KLHL24: variants seen among roughly 807,000 people sequenced by gnomAD.
KLHL24 encodes kelch-like protein 24.
KLHL24 carries 29 observed loss-of-function variants against 53.4 expected under a neutral mutation model. That is an observed-to-expected ratio of 0.54 (90% CI 0.40 to 0.74). The LOEUF is 0.74. Among genes scored for constraint, KLHL24 ranks in the 30% least tolerant of loss-of-function variants. The pLI is 0.00. For missense variants in KLHL24, 504 were observed against 744.0 expected, an observed-to-expected ratio of 0.68 and a Z score of 3.75; for synonymous variants, 222 against 253.7, an observed-to-expected ratio of 0.88 and a Z score of 1.19.
In KLHL24 at chr3:183,672,385, C is replaced by T. The variant is rs142769666; in HGVS notation, c.1503C>T (p.Asn501=). Residue 501 remains asparagine, a synonymous_variant, in exon 7 of 8, where the codon AAC becomes AAT. Coordinates refer to ENST00000242810, the MANE Select transcript of KLHL24 (RefSeq NM_017644.3). Reference sequence around the variant, plus strand: ...GGTGTATAACAGCTGTATCCCTAAACAACCTGATCTATGTTGCCGGTGGAC... The same window carrying T: ...GGTGTATAACAGCTGTATCCCTAAATAACCTGATCTATGTTGCCGGTGGAC... The part of the protein sequence containing the change: ...AKRCITAVSL[N]NLIYVAGGLT... 18 of 1,613,542 alleles carry T rather than the reference C, an allele frequency of 1.1e-5. No individual in the cohort carries two copies. The East Asian group carries it at 4.0e-4, about 36-fold the overall frequency.
intron 7 of KLHL24, among the ~76,000 whole-genome samples, chr3:183,678,134 AT>A (rs1377790576): frequency 6.6e-6 from 1 of 152,180 alleles, no homozygotes; most frequent in Non-Finnish European, 1.5e-5. Flanking sequence ...TTGCAAGAAT[AT>A]TTGTTTTATA....
chr3:183,651,132 T>C lies in KLHL24; in HGVS notation c.776T>C (p.Leu259Pro). The C allele has an allele frequency of 6.2e-7, 1 of 1,614,164 alleles. No homozygotes were observed. Reference protein sequence around the residue: ...HELLTHVRLPLLHPNYFVQTV... With the variant: ...HELLTHVRLPPLHPNYFVQTV... ...CTCCTGACACATGTGAGACTCCCTC[T>C]GTTGCATCCCAACTACTTTGTTCAA... The change falls in exon 3 of 8, where the codon CTG becomes CCG. Residue 259 changes from leucine to proline, a missense_variant. Transcript: ENST00000242810.
At chr3:183,664,144 A>T (rs967866602) in intron 4 of KLHL24, 1 of 152,174 alleles carries the variant, frequency 6.6e-6, no homozygotes, top group African/African-American at 2.4e-5. Flanking sequence ...GTACAAGATG[A>T]CATGGAATGA....
At chr3:183,640,593 C>CT (rs764790183) in intron 1 of KLHL24, among the ~76,000 whole-genome samples, 13 of 144,824 alleles carry the variant, frequency 9.0e-5, no homozygotes, top group African/African-American at 3.1e-4. Context: ...TTTCTTTTTT[C>CT]TTTTTTCTTT....
chr3:183,679,291 A>G lies in KLHL24; in HGVS notation c.*5A>G. Reference sequence around the variant, plus strand: ...GAGAAATGCTTTAAACTCTGAAGACAGGATACCTCACCGAAGAAGCCACAC... The same window carrying G: ...GAGAAATGCTTTAAACTCTGAAGACGGGATACCTCACCGAAGAAGCCACAC... On this transcript the variant is annotated 3_prime_UTR_variant, in exon 8 of 8. Transcript: ENST00000242810. The G allele has an allele frequency of 6.2e-7, 1 of 1,611,458 alleles. No homozygotes were observed. Among genetic ancestry groups the G allele is most frequent in the Non-Finnish European group, 8.5e-7 (1 of 1,177,774 alleles).
At chr3:183,659,773 A>G (rs1163414882) in intron 3 of KLHL24, among the ~76,000 whole-genome samples, 2 of 152,250 alleles carry the variant, frequency 1.3e-5, no homozygotes, top group African/African-American at 4.8e-5. Context: ...AAGTTCAGTC[A>G]GTCAGAGAGA....
chr3:183,671,409 A>G (rs1380587318), intron 6 of KLHL24, among the ~76,000 whole-genome samples, 187 bp downstream of exon 6: 1 of 152,190 alleles, frequency 6.6e-6, no homozygotes, highest in African/African-American at 2.4e-5. Flanking sequence ...ATATCTAACA[A>G]TTTGCTCTAA....
At chr3:183,640,600 C>CTT (rs761361160) in intron 1 of KLHL24, among the ~76,000 whole-genome samples, 40 of 61,654 alleles carry the variant, frequency 6.5e-4, no homozygotes, top group Middle Eastern at 0.01. Context: ...TTTCTTTTTT[C>CTT]TTTTTTTTTT....
chr3:183,666,305 A>G (rs569122671), intron 5 of KLHL24, among the ~76,000 whole-genome samples: 12 of 152,174 alleles, frequency 7.9e-5, no homozygotes, highest in Admixed American at 6.5e-4. Context: ...TCTGTTGCCC[A>G]GGCTGGAGTA....
chr3:183,675,562 A>G (rs1262825652), intron 7 of KLHL24, among the ~76,000 whole-genome samples: 5 of 152,162 alleles, frequency 3.3e-5, no homozygotes, highest in African/African-American at 1.2e-4. Context: ...ACTTATTTCT[A>G]ATTTTTAAAA....
In KLHL24 at chr3:183,679,303, C is replaced by G. The variant is rs771067547; in HGVS notation, c.*17C>G. On this transcript the variant is annotated 3_prime_UTR_variant, in exon 8 of 8. Transcript: ENST00000242810. ...AAACTCTGAAGACAGGATACCTCACCGAAGAAGCCACACTGATCCAAGATG... is the reference window on the plus strand; with the variant it reads ...AAACTCTGAAGACAGGATACCTCACGGAAGAAGCCACACTGATCCAAGATG... 7 of 1,596,662 alleles carry G rather than the reference C, an allele frequency of 4.4e-6. No homozygotes were observed. Among genetic ancestry groups the G allele is most frequent in the African/African-American group, 1.3e-5 (1 of 74,538 alleles).
chr3:183,654,235 C>G (rs767813971), intron 3 of KLHL24, among the ~76,000 whole-genome samples: 27 of 152,108 alleles, frequency 1.8e-4, no homozygotes, highest in Non-Finnish European at 7.4e-5. Flanking sequence ...CCTCTTGGTC[C>G]TCCTATTTCT....
chr3:183,651,026 G>T lies in KLHL24; in HGVS notation c.670G>T (p.Gly224Cys), dbSNP rs1438233745. 7 of 1,614,186 alleles carry T rather than the reference G, an allele frequency of 4.3e-6. No individual in the cohort carries two copies. Among genetic ancestry groups the T allele is most frequent in the Non-Finnish European group, 5.1e-6 (6 of 1,180,022 alleles). Reference sequence around the variant, plus strand: ...TATTTGTAGTGATGAACTTGTTATTGGTAAAGAGGAGATGGTTTTTGAAGC... The same window carrying T: ...TATTTGTAGTGATGAACTTGTTATTTGTAAAGAGGAGATGGTTTTTGAAGC... ...DYICSDELVI[G>C]KEEMVFEAVM... is the part of the protein sequence containing the mutation. Residue 224 changes from glycine to cysteine, a missense_variant, in exon 3 of 8, where the codon GGT becomes TGT. Transcript: ENST00000242810.
chr3:183,666,581 C>G (rs1413822275), intron 5 of KLHL24, among the ~76,000 whole-genome samples: 1 of 152,026 alleles, frequency 6.6e-6, no homozygotes, highest in East Asian at 1.9e-4. Flanking sequence ...GGATTTTTTT[C>G]ATATTTTGGA....
At chr3:183,645,400 G>A (rs1247039523) in intron 2 of KLHL24, among the ~76,000 whole-genome samples, 1 of 152,178 alleles carries the variant, frequency 6.6e-6, no homozygotes, top group African/African-American at 2.4e-5. Context: ...ATGTGTGGGA[G>A]CCTGGAATTT....
At chr3:183,651,734 G>A (rs111855141) in intron 3 of KLHL24, among the ~76,000 whole-genome samples, 4 of 152,118 alleles carry the variant, frequency 2.6e-5, no homozygotes, top group Non-Finnish European at 4.4e-5. Context: ...GTGGAGGAGC[G>A]CTTGAGCTCA....
intron 3 of KLHL24, among the ~76,000 whole-genome samples, chr3:183,657,705 A>G (rs1719108036): frequency 6.6e-6 from 1 of 152,218 alleles, no homozygotes; most frequent in East Asian, 1.9e-4. Flanking sequence ...CCACTGAAGA[A>G]TACTATTCTC....
intron 3 of KLHL24, among the ~76,000 whole-genome samples, chr3:183,662,888 T>C (rs1720004586): frequency 6.6e-6 from 1 of 152,234 alleles, no homozygotes; most frequent in Non-Finnish European, 1.5e-5. Flanking sequence ...TGTTATAAAC[T>C]GTTAGCCTTT....
At chr3:183,642,917 GCAGGATAAAACTC>G (rs1219209803) in intron 1 of KLHL24, 3 of 152,098 alleles carry the variant, frequency 2.0e-5, no homozygotes, top group Non-Finnish European at 2.9e-5. Context: ...AAATTTTACT[GCAGGATAAAACTC>G]CAGGATAAAA....
Sources: gnomAD v4.1 joint callset for allele counts (sites outside exome capture counted in the v4.1 genomes callset) on GRCh38, gnomAD v4.1.1 for gene constraint, MANE v1.5 for transcripts, NCBI Gene and HGNC (gene_info 2026-07-23, HGNC 2026-07-21) for gene names.